Variants in FNDC3A observed in about 807,000 individuals in gnomAD.
The protein encoded by FNDC3A is fibronectin type-III domain-containing protein 3A.
FNDC3A carries 32 observed loss-of-function variants against 148.9 expected under a neutral mutation model. That is an observed-to-expected ratio of 0.21 (90% CI 0.16 to 0.29). The LOEUF (loss-of-function observed/expected upper bound fraction) is 0.29, where lower values mean the gene tolerates loss of function less well. Ranked by LOEUF, FNDC3A falls within the 10% of genes least tolerant of loss-of-function variation. The pLI, the probability that FNDC3A is intolerant of heterozygous loss-of-function variation, is 1.00. For missense variants in FNDC3A, 1,191 were observed against 1,452.8 expected, an observed-to-expected ratio of 0.82 and a Z score of 2.93; for synonymous variants, 472 against 473.6, an observed-to-expected ratio of 1.00 and a Z score of 0.04.
intron 3 of FNDC3A, among the ~76,000 whole-genome samples, chr13:49,105,869 T>C (rs1054558867): frequency 2.0e-5 from 3 of 152,234 alleles, no homozygotes; most frequent in African/African-American, 7.2e-5. Flanking sequence ...ACCAGCAATA[T>C]GTATAAGTCA....
chr13:49,107,908 T>C (rs1277813119), intron 3 of FNDC3A, among the ~76,000 whole-genome samples: 1 of 152,004 alleles, frequency 6.6e-6, no homozygotes, highest in African/African-American at 2.4e-5. Context: ...AGAAGACGGA[T>C]TGAACTTGGA....
chr13:49,138,583 A>T (rs960094342), intron 6 of FNDC3A, among the ~76,000 whole-genome samples, 164 bp from the exon 7 acceptor site: 1 of 152,156 alleles, frequency 6.6e-6, no homozygotes, highest in African/African-American at 2.4e-5. Flanking sequence ...ACTAAAGTAG[A>T]TAAATGCTGA....
At chr13:48,980,702 T>C (rs906017552) in intron 1 of FNDC3A, among the ~76,000 whole-genome samples, 4 of 152,192 alleles carry the variant, frequency 2.6e-5, no homozygotes, top group Non-Finnish European at 4.4e-5. Context: ...TTTCCTTCAG[T>C]ATACTGTGGT....
chr13:49,019,140 C>T (rs1360063616), intron 2 of FNDC3A, among the ~76,000 whole-genome samples: 1 of 152,256 alleles, frequency 6.6e-6, no homozygotes, highest in Non-Finnish European at 1.5e-5. Flanking sequence ...CCAGTTCGAG[C>T]TTCTGGGCTG....
chr13:49,199,173 A>G (rs1156716907), intron 23 of FNDC3A, among the ~76,000 whole-genome samples: 1 of 151,878 alleles, frequency 6.6e-6, no homozygotes, highest in Non-Finnish European at 1.5e-5. Flanking sequence ...GGCGTGGGCC[A>G]CTACACCTGG....
At chr13:49,158,366 G>A (rs932967264) in intron 8 of FNDC3A, among the ~76,000 whole-genome samples, 6 of 152,188 alleles carry the variant, frequency 3.9e-5, no homozygotes, top group Non-Finnish European at 7.3e-5. Flanking sequence ...GCAATGCCTC[G>A]CCCTGCTTCG....
At chr13:49,025,600 T>A (rs1231265700) in intron 2 of FNDC3A, among the ~76,000 whole-genome samples, 1 of 152,096 alleles carries the variant, frequency 6.6e-6, no homozygotes, top group African/African-American at 2.4e-5. Context: ...GAGTGCTAAT[T>A]GTATAAGGAA....
intron 6 of FNDC3A, among the ~76,000 whole-genome samples, chr13:49,137,281 T>A (rs1395345621): frequency 1.3e-5 from 2 of 152,198 alleles, no homozygotes; most frequent in African/African-American, 4.8e-5. Context: ...ACTCTCCTTG[T>A]TACTCTTGGA....
chr13:49,092,676 T>C (rs1467943807), intron 3 of FNDC3A, among the ~76,000 whole-genome samples: 1 of 152,064 alleles, frequency 6.6e-6, no homozygotes, highest in Non-Finnish European at 1.5e-5. Flanking sequence ...TACATACAGG[T>C]GAGAGCTTTC....
Position 49,198,125 on chromosome 13 carries a change from T to C in FNDC3A, c.2634T>C (p.Leu878=). The change falls in exon 22 of 26, where the codon CTT becomes CTC. Residue 878 remains leucine, a synonymous_variant. Coordinates refer to ENST00000492622, the MANE Select transcript of FNDC3A (RefSeq NM_001079673.2). ...CCCATTATTCACCTTCTACATGCCT[T>C]GCAATAAGCTGGGAAAAGCCTTGTG... ...ENPHYSPSTC[L]AISWEKPCDH... 2 of 1,614,196 alleles carry C rather than the reference T, an allele frequency of 1.2e-6. No homozygotes were observed. Among genetic ancestry groups the C allele is most frequent in the Non-Finnish European group, 1.7e-6 (2 of 1,180,026 alleles).
rs137967460 is a variant in FNDC3A at position 49,167,948 on chromosome 13, A to G, written c.1037+645A>G. ...AATATTTTGTTTACACATATCTTTT[A>G]CTACATCCTGTTTTAGGGTTCGGGA... On this transcript the variant is annotated intron_variant, in intron 9 of 25. Coordinates refer to ENST00000492622, the MANE Select transcript of FNDC3A (RefSeq NM_001079673.2). Among the ~76,000 whole-genome samples, 478 of 152,260 alleles carry G rather than the reference A, an allele frequency of 3.1e-3. 2 individuals carry two copies. Among genetic ancestry groups the G allele is most frequent in the Non-Finnish European group, 6.1e-3 (415 of 68,010 alleles).
At position 49,201,812 on chromosome 13, in the gene FNDC3A, A is replaced by G; in HGVS notation, c.3000A>G (p.Leu1000=). Residue 1000 remains leucine, a synonymous_variant, in exon 24 of 26, where the codon CTA becomes CTG. Transcript: ENST00000492622. ...ATTTCCATTTTAGGTTTGTATCCCT[A>G]TACAGAGGACCATGTCATACATACA... ...MEDKNGRFVS[L]YRGPCHTYKV... 1 of 1,523,438 alleles carries G rather than the reference A, an allele frequency of 6.6e-7. No individual in the cohort carries two copies. Among genetic ancestry groups the G allele is most frequent in the South Asian group, 1.3e-5 (1 of 79,324 alleles). The allele number at this position is 1,523,438 out of a possible 1,614,324, so 94.4% of individuals were successfully genotyped here. A position where few individuals can be genotyped will look rare whatever the true frequency, so the allele number is the denominator to read the frequency against.
chr13:49,097,949 G>A (rs1166142641), intron 3 of FNDC3A, among the ~76,000 whole-genome samples: 2 of 152,022 alleles, frequency 1.3e-5, no homozygotes, highest in Admixed American at 6.6e-5. Flanking sequence ...GTGATATTTT[G>A]TCAAGCACAG....
intron 3 of FNDC3A, among the ~76,000 whole-genome samples, chr13:49,082,653 G>C (rs1020509241): frequency 6.6e-6 from 1 of 152,038 alleles, no homozygotes; most frequent in Non-Finnish European, 1.5e-5. Context: ...TGGGAGAGGT[G>C]AGCTGCAGTT....
intron 16 of FNDC3A, 137 bp downstream of exon 16, chr13:49,187,327 C>T (rs1229964387): frequency 3.4e-6 from 3 of 871,988 alleles, no homozygotes; most frequent in Non-Finnish European, 5.3e-6. Context: ...GTTCACTTCA[C>T]TTTGGGTTGT....
At chr13:49,172,667 T>C in intron 11 of FNDC3A, among the ~76,000 whole-genome samples, 1 of 152,236 alleles carries the variant, frequency 6.6e-6, no homozygotes, top group East Asian at 1.9e-4. Context: ...CTTCCTTTTT[T>C]AGGAACACTT....
rs1400491544 is a variant in FNDC3A, at chr13:49,055,744, CATGTATTTG to C, written c.100-19542_100-19534del. On this transcript the variant is annotated intron_variant, in intron 2 of 25. Transcript: ENST00000492622. ...CCAGATCGAACCAATATATATCTTA[CATGTATTTG>C]ATTGATGTTTTATGTCTCCCTGAAA... is the stretch of plus-strand genomic sequence containing the variant. Among the ~76,000 whole-genome samples the C allele has an allele frequency of 1.4e-4, 22 of 152,212 alleles. No individual in the cohort carries two copies. The South Asian group carries it at 4.4e-3, about 30-fold the overall frequency.
At chr13:48,979,288 T>C (rs957280733) in intron 1 of FNDC3A, among the ~76,000 whole-genome samples, 6 of 152,200 alleles carry the variant, frequency 3.9e-5, no homozygotes, top group Non-Finnish European at 7.4e-5. Context: ...AGACTAATAG[T>C]ATCATTAGCA....
intron 8 of FNDC3A, among the ~76,000 whole-genome samples, chr13:49,165,833 A>C (rs919488231): frequency 6.6e-6 from 1 of 152,190 alleles, no homozygotes; most frequent in African/African-American, 2.4e-5. Flanking sequence ...TGGGCAAGCC[A>C]GTCCCCAGGC....
Sources: allele counts gnomAD v4.1 joint callset (sites outside exome capture counted in the v4.1 genomes callset), GRCh38; gene constraint gnomAD v4.1.1; transcripts MANE v1.5; gene names NCBI Gene and HGNC (gene_info 2026-07-23, HGNC 2026-07-21).